The following TRPM3 variants were observed in gnomAD, a reference collection of about 807,000 sequenced individuals.
TRPM3 encodes long transient receptor potential channel 3.
In TRPM3, 77 loss-of-function variants were observed where a neutral mutation model predicts 181.2. The ratio of observed to expected loss-of-function variants is 0.42; its 90% CI spans 0.35 to 0.51. The LOEUF (loss-of-function observed/expected upper bound fraction) is 0.51, where lower values mean the gene tolerates loss of function less well. Ranked by LOEUF, TRPM3 falls within the 20% of genes least tolerant of loss-of-function variation. The pLI is 0.01. For missense variants in TRPM3, 1,759 were observed against 2,196.7 expected (o/e 0.80, Z 3.98); for synonymous variants, 745 against 796.4 (o/e 0.94, Z 1.09).
At chr9:70,902,983 A>G (rs2096407283) in intron 1 of TRPM3, among the ~76,000 whole-genome samples, 1 of 152,156 alleles carries the variant, frequency 6.6e-6, no homozygotes, top group African/African-American at 2.4e-5. Context: ...AATACAAGGC[A>G]TCGTGTGTTT....
intron 1 of TRPM3, among the ~76,000 whole-genome samples, chr9:70,989,491 C>A (rs2097455635): frequency 3.9e-5 from 6 of 152,160 alleles, no homozygotes; most frequent in Admixed American, 3.9e-4. Flanking sequence ...ACAGCAAGCC[C>A]CAAAGGTTTA....
intron 1 of TRPM3, among the ~76,000 whole-genome samples, chr9:71,315,020 C>G (rs1026984203): frequency 1.3e-5 from 2 of 152,132 alleles, no homozygotes; most frequent in Non-Finnish European, 2.9e-5. Context: ...CACACTAAGT[C>G]TCAGTGTTGT....
chr9:71,037,619 TTACCCA>T (rs2058363697), intron 1 of TRPM3, among the ~76,000 whole-genome samples: 1 of 152,266 alleles, frequency 6.6e-6, no homozygotes, highest in African/African-American at 2.4e-5. Flanking sequence ...TACTGCAGTC[TTACCCA>T]TTGTAGCTGA....
intron 1 of TRPM3, among the ~76,000 whole-genome samples, chr9:71,006,965 G>T (rs924480421): frequency 3.0e-4 from 44 of 145,678 alleles, no homozygotes; most frequent in African/African-American, 1.0e-3. Flanking sequence ...CTTGAACCTG[G>T]GAGGCAGAAG....
At chr9:70,692,135 G>C (rs1490279763) in intron 8 of TRPM3, among the ~76,000 whole-genome samples, 2 of 152,196 alleles carry the variant, frequency 1.3e-5, no homozygotes, top group Non-Finnish European at 2.9e-5. Flanking sequence ...TGAAATACTA[G>C]TTTGTAGTCT....
intron 8 of TRPM3, among the ~76,000 whole-genome samples, chr9:70,742,508 G>A (rs1425049927): frequency 6.6e-6 from 1 of 152,066 alleles, no homozygotes. Flanking sequence ...CAGCGGTATA[G>A]AACACTAGAA....
intron 1 of TRPM3, among the ~76,000 whole-genome samples, chr9:71,345,458 G>T (rs2132632170): frequency 6.6e-6 from 1 of 152,260 alleles, no homozygotes; most frequent in African/African-American, 2.4e-5. Context: ...GATGAAGCTG[G>T]AAACCATCAT....
chr9:71,134,520 A>G (rs562871700), intron 1 of TRPM3, among the ~76,000 whole-genome samples: 3 of 149,092 alleles, frequency 2.0e-5, no homozygotes, highest in African/African-American at 7.4e-5. Flanking sequence ...ACAGTGCACT[A>G]TAGCCTGGTG....
chr9:71,382,309 A>G (rs535650333), intron 1 of TRPM3, among the ~76,000 whole-genome samples: 28 of 152,162 alleles, frequency 1.8e-4, no homozygotes, highest in Non-Finnish European at 4.0e-4. Flanking sequence ...AGGATTTACC[A>G]TGTGCCAAAT....
At chr9:71,298,880 G>A (rs1284863258) in intron 1 of TRPM3, among the ~76,000 whole-genome samples, 2 of 152,060 alleles carry the variant, frequency 1.3e-5, no homozygotes, top group African/African-American at 4.8e-5. Context: ...ATGGGAATAA[G>A]AACCAGTTCA....
At chr9:70,627,418 G>A (rs1355870957) in intron 12 of TRPM3, among the ~76,000 whole-genome samples, 4 of 151,984 alleles carry the variant, frequency 2.6e-5, no homozygotes, top group Non-Finnish European at 2.9e-5. Flanking sequence ...GACTACAGGT[G>A]TATGCCACCA....
At chr9:71,388,594 C>T (rs1301870789) in intron 1 of TRPM3, among the ~76,000 whole-genome samples, 2 of 152,070 alleles carry the variant, frequency 1.3e-5, no homozygotes, top group African/African-American at 4.8e-5. Flanking sequence ...CCCAGTCCTA[C>T]CTATTTCAGC....
At chr9:71,421,205 C>T (rs2093767376) in intron 1 of TRPM3, among the ~76,000 whole-genome samples, 1 of 151,690 alleles carries the variant, frequency 6.6e-6, no homozygotes, top group Non-Finnish European at 1.5e-5. Flanking sequence ...GCACTGGGGA[C>T]TACTAGAGGT....
intron 1 of TRPM3, chr9:70,868,949 A>C: frequency 1.0e-6 from 1 of 971,816 alleles, no homozygotes; most frequent in Non-Finnish European, 1.2e-6. Context: ...AATATTGAGA[A>C]GTTGAACAAG....
chr9:71,216,259 T>C (rs528787911), intron 1 of TRPM3, among the ~76,000 whole-genome samples: 16 of 152,328 alleles, frequency 1.1e-4, no homozygotes, highest in Admixed American at 9.8e-4. Context: ...TTATTCTTAT[T>C]TGTGCATATA....
chr9:70,947,638 A>G (rs77996944), intron 1 of TRPM3, among the ~76,000 whole-genome samples: 3,681 of 152,268 alleles, frequency 0.024, 153 homozygotes, highest in Admixed American at 0.11. Context: ...CTCAGAGCTC[A>G]GAGAAGGTGG....
chr9:71,439,992 G>A (rs1193669648), intron 1 of TRPM3, among the ~76,000 whole-genome samples: 7 of 151,974 alleles, frequency 4.6e-5, no homozygotes, highest in African/African-American at 7.2e-5. Context: ...GCATGGTGGC[G>A]GGCACCTGTA....
At chr9:70,854,881 C>T (rs928837729) in intron 3 of TRPM3, among the ~76,000 whole-genome samples, 14 of 152,122 alleles carry the variant, frequency 9.2e-5, no homozygotes, top group African/African-American at 3.4e-4. Context: ...TCTTAGTTAC[C>T]TTGGAGGCCA....
chr9:71,297,633 T>A (rs1443438770), intron 1 of TRPM3, among the ~76,000 whole-genome samples: 1 of 152,206 alleles, frequency 6.6e-6, no homozygotes, highest in African/African-American at 2.4e-5. Context: ...ACTGCTCCCA[T>A]GATTCAATTA....
Sources: gnomAD v4.1 joint callset for allele counts (sites outside exome capture counted in the v4.1 genomes callset) on GRCh38, gnomAD v4.1.1 for gene constraint, MANE v1.5 for transcripts, NCBI Gene and HGNC (gene_info 2026-07-23, HGNC 2026-07-21) for gene names.